TNKS2: variants seen among roughly 807,000 people sequenced by gnomAD.
TNKS2 encodes the protein tankyrase 2, also known as poly [ADP-ribose] polymerase tankyrase-2.
A neutral mutation model predicts 137.6 loss-of-function variants in TNKS2; 72 were observed. The observed-to-expected ratio is 0.52, with a 90% CI of 0.43 to 0.64. TNKS2 has a LOEUF of 0.64. Among genes scored for constraint, TNKS2 ranks in the 30% least tolerant of loss-of-function variants. The pLI, the probability that TNKS2 is intolerant of heterozygous loss-of-function variation, is 0.00. For missense variants in TNKS2, 1,049 were observed against 1,410.2 expected (o/e 0.74, Z 4.10); for synonymous variants, 516 against 512.1 (o/e 1.01, Z -0.10).
chr10:91,811,705 C>A (rs1224097841), intron 1 of TNKS2, among the ~76,000 whole-genome samples: 5 of 152,076 alleles, frequency 3.3e-5, no homozygotes, highest in Admixed American at 2.6e-4. Context: ...CCATTACTTT[C>A]TTATCTGTTC....
chr10:91,855,209 G>T, intron 22 of TNKS2, 83 bp downstream of exon 22: 1 of 862,510 alleles, frequency 1.2e-6, no homozygotes, highest in Non-Finnish European at 1.9e-6. Flanking sequence ...TCTTCCTTTA[G>T]TTTGCATTAT....
chr10:91,798,514 G>A lies in TNKS2; in HGVS notation c.-177G>A. 1 of 693,710 alleles carries A rather than the reference G, an allele frequency of 1.4e-6. No homozygotes were observed. The highest frequency in any genetic ancestry group is 4.2e-5 in the East Asian group (1 of 23,756). 43.0% of individuals were successfully genotyped at this position (693,710 alleles called of 1,614,324 possible). A position where few individuals can be genotyped will look rare whatever the true frequency, so the allele number is the denominator to read the frequency against. On this transcript the variant is annotated 5_prime_UTR_variant, in exon 1 of 27. Transcript: ENST00000371627. The stretch of plus-strand genomic sequence containing the variant: ...GGGCAGCCGGGGGGCAGGGAGCCCA[G>A]CGAGGGGCGCGCGTGGGCGCGGCCA...
At position 91,849,520 on chromosome 10, in the gene TNKS2, G is replaced by C; in HGVS notation, c.2620G>C (p.Val874Leu). The C allele has an allele frequency of 1.2e-6, 2 of 1,609,706 alleles. No individual in the cohort carries two copies. The highest frequency in any genetic ancestry group is 2.2e-5 in the East Asian group (1 of 44,676). The change falls in exon 20 of 27, where the codon GTA becomes CTA. Residue 874 changes from valine to leucine, a missense_variant. Transcript: ENST00000371627. ...SSLEKKEVPGVDFSITQFVRN... is the reference protein window; with the variant it reads ...SSLEKKEVPGLDFSITQFVRN... ...ATTTTTTTATTTCCCAGTTCCAGGA[G>C]TAGATTTTAGCATAACTCAATTCGT...
At chr10:91,803,589 G>A (rs1237072825) in intron 1 of TNKS2, among the ~76,000 whole-genome samples, 1 of 152,222 alleles carries the variant, frequency 6.6e-6, no homozygotes, top group African/African-American at 2.4e-5. Context: ...AGCCGAGATT[G>A]CGCCATTGCA....
At chr10:91,809,448 C>A (rs543076511) in intron 1 of TNKS2, among the ~76,000 whole-genome samples, 3 of 152,092 alleles carry the variant, frequency 2.0e-5, no homozygotes, top group Admixed American at 6.5e-5. Context: ...GGGCGGATCA[C>A]AAGGTCAGGA....
intron 8 of TNKS2, among the ~76,000 whole-genome samples, chr10:91,828,034 G>A (rs1164120925): frequency 6.6e-6 from 1 of 152,122 alleles, no homozygotes; most frequent in Non-Finnish European, 1.5e-5. Context: ...AACAGACCAT[G>A]AATCTGCCGT....
chr10:91,845,155 TTAAA>T, intron 17 of TNKS2, 127 bp downstream of exon 17: 1 of 688,450 alleles, frequency 1.5e-6, no homozygotes, highest in South Asian at 1.7e-5. Context: ...GCTAAAGAAG[TTAAA>T]TAACTTCCAA....
At chr10:91,861,929 G>T (rs370969565) in intron 25 of TNKS2, 70 bp from the exon 26 acceptor site, 1 of 1,364,806 alleles carries the variant, frequency 7.3e-7, no homozygotes, top group Non-Finnish European at 9.9e-7. Context: ...AACTTATGCC[G>T]TGTCCACACA....
chr10:91,842,734 G>A (rs775924740), intron 16 of TNKS2, among the ~76,000 whole-genome samples: 2 of 151,890 alleles, frequency 1.3e-5, no homozygotes, highest in Non-Finnish European at 2.9e-5. Context: ...TTGTGCCACT[G>A]TACTCCAGAA....
chr10:91,855,187 C>CT, intron 22 of TNKS2, 61 bp downstream of exon 22: 1 of 1,050,948 alleles, frequency 9.5e-7, no homozygotes, highest in Non-Finnish European at 1.5e-6. Context: ...TTTGTATCCT[C>CT]TTGTTTCTTT....
intron 21 of TNKS2, among the ~76,000 whole-genome samples, chr10:91,852,327 G>A (rs1842565103): frequency 6.6e-6 from 1 of 151,926 alleles, no homozygotes; most frequent in African/African-American, 2.4e-5. Context: ...GGAGGCCGAG[G>A]TGGGCAGATC....
chr10:91,834,830 T>G (rs887996319), intron 12 of TNKS2, among the ~76,000 whole-genome samples: 12 of 152,234 alleles, frequency 7.9e-5, no homozygotes, highest in African/African-American at 2.2e-4. Flanking sequence ...ATAACACTGG[T>G]CCTATTCAGT....
chr10:91,863,080 A>T lies in TNKS2; in HGVS notation c.*81A>T. 2 of 973,032 alleles carry T rather than the reference A, an allele frequency of 2.1e-6. No individual in the cohort carries two copies. The highest frequency in any genetic ancestry group is 3.1e-6 in the Non-Finnish European group (2 of 639,094). 60.3% of individuals were successfully genotyped at this position (973,032 alleles called of 1,614,324 possible). Reference sequence around the variant, plus strand: ...GCCTCTACGTTTTACTCCTTTGCTGAAAAAAAATCATCTTGCCCACAGGCC... The same window carrying T: ...GCCTCTACGTTTTACTCCTTTGCTGTAAAAAAATCATCTTGCCCACAGGCC... On this transcript the variant is annotated 3_prime_UTR_variant, in exon 27 of 27. Transcript: ENST00000371627.
chr10:91,854,291 C>G (rs957924029), intron 21 of TNKS2, among the ~76,000 whole-genome samples: 2 of 152,118 alleles, frequency 1.3e-5, no homozygotes, highest in East Asian at 1.9e-4. Context: ...GTGTTACAAA[C>G]TCATTAAGAA....
In TNKS2 at chr10:91,810,534, A is replaced by T. The variant is rs1844462803; in HGVS notation, c.200-2449A>T. Among the ~76,000 whole-genome samples, 6 of 150,504 alleles carry T rather than the reference A, an allele frequency of 4.0e-5. No homozygotes were observed. The South Asian group carries it at 1.3e-3, about 32-fold the overall frequency. ...TTTTGTTTTTTTGAGACGGAGTCTC[A>T]CTCTGTCTCCCAGGCTGGAGTGCAG... On this transcript the variant is annotated intron_variant, in intron 1 of 26. Coordinates refer to ENST00000371627, the MANE Select transcript of TNKS2 (RefSeq NM_025235.4).
intron 11 of TNKS2, among the ~76,000 whole-genome samples, chr10:91,832,536 T>C (rs1841844035): frequency 6.6e-6 from 1 of 152,110 alleles, no homozygotes; most frequent in South Asian, 2.1e-4. Context: ...AATAAATAGT[T>C]TGATTGTCCT....
intron 13 of TNKS2, among the ~76,000 whole-genome samples, chr10:91,837,690 T>C (rs918414437): frequency 6.6e-5 from 10 of 152,194 alleles, no homozygotes; most frequent in Non-Finnish European, 1.0e-4. Flanking sequence ...CGAAACCCCG[T>C]CTCTACTAAA....
chr10:91,832,360 A>G (rs1845276536), intron 11 of TNKS2, among the ~76,000 whole-genome samples: 1 of 152,150 alleles, frequency 6.6e-6, no homozygotes, highest in African/African-American at 2.4e-5. Flanking sequence ...AGTTTTGTCC[A>G]GGACTTCACG....
At chr10:91,819,643 A>C in intron 5 of TNKS2, 86 bp downstream of exon 5, 1 of 1,088,928 alleles carries the variant, frequency 9.2e-7, no homozygotes, top group Non-Finnish European at 1.3e-6. Flanking sequence ...ATTGAAACAT[A>C]TTTGAAGAGA....
Sources: allele counts gnomAD v4.1 joint callset (sites outside exome capture counted in the v4.1 genomes callset), GRCh38; gene constraint gnomAD v4.1.1; transcripts MANE v1.5; gene names NCBI Gene and HGNC (gene_info 2026-07-23, HGNC 2026-07-21).